The following AR variants were observed in gnomAD, a reference collection of about 807,000 sequenced individuals.
AR encodes androgen receptor, also known as dihydrotestosterone receptor.
Under a neutral mutation model 53.9 loss-of-function variants are expected in AR, and 8 were observed. That is an observed-to-expected ratio of 0.15 (90% CI 0.09 to 0.27). AR has a LOEUF of 0.27. Among genes scored for constraint, AR ranks in the 10% least tolerant of loss-of-function variants. AR has a pLI of 1.00. For missense variants in AR, 639 were observed against 742.5 expected (o/e 0.86, Z 1.62); for synonymous variants, 359 against 316.4 (o/e 1.13, Z -1.43).
intron 2 of AR, among the ~76,000 whole-genome samples, chrX:67,644,200 A>C (rs1925938969): frequency 8.9e-6 from 1 of 111,755 alleles, no homozygotes; most frequent in Non-Finnish European, 1.9e-5. Flanking sequence ...TATATACGGT[A>C]ATGTCTCCTT....
intron 1 of AR, among the ~76,000 whole-genome samples, chrX:67,607,737 T>C (rs1172599379): frequency 1.8e-5 from 2 of 112,336 alleles, no homozygotes; most frequent in Non-Finnish European, 3.8e-5. Context: ...CTGTCCCCAC[T>C]GTGACTTATG....
intron 3 of AR, among the ~76,000 whole-genome samples, chrX:67,687,183 T>G (rs1461142443): frequency 8.9e-6 from 1 of 111,735 alleles, no homozygotes; most frequent in Non-Finnish European, 1.9e-5. Flanking sequence ...TTTAGACCAG[T>G]TGTCTATCTC....
intron 1 of AR, among the ~76,000 whole-genome samples, chrX:67,557,288 A>G (rs1921097544): frequency 9.0e-6 from 1 of 111,193 alleles, no homozygotes; most frequent in Non-Finnish European, 1.9e-5. Context: ...GCATTTACTG[A>G]CAGATTGGAT....
At position 67,566,773 on chromosome X, in the gene AR, G is replaced by T. The variant is rs143132806; in HGVS notation, c.1616+20011G>T. 3.5e-3 allele frequency among the ~76,000 whole-genome samples: 394 copies of T among 111,307 alleles called. 1 individual carries two copies. Among genetic ancestry groups the T allele is most frequent in the African/African-American group, 0.012 (378 of 30,595 alleles). On this transcript the variant is annotated intron_variant, in intron 1 of 7. Coordinates refer to ENST00000374690, the MANE Select transcript of AR (RefSeq NM_000044.6). Reference sequence around the variant, plus strand: ...TTGCTTTGAAAACCTGCCACTTAAGGCTCCTTCCAGTCATAGGTTAACTCT... The same window carrying T: ...TTGCTTTGAAAACCTGCCACTTAAGTCTCCTTCCAGTCATAGGTTAACTCT...
chrX:67,573,508 A>G, intron 1 of AR, among the ~76,000 whole-genome samples: 1 of 111,732 alleles, frequency 8.9e-6, no homozygotes, highest in Middle Eastern at 4.6e-3. Context: ...AGAGGGCTGC[A>G]CTGACTGACT....
At chrX:67,614,120 A>G (rs1016489223) in intron 1 of AR, among the ~76,000 whole-genome samples, 4 of 112,314 alleles carry the variant, frequency 3.6e-5, no homozygotes, top group Non-Finnish European at 5.6e-5. Context: ...AAGGAGGCCT[A>G]TGAGGTTACT....
intron 4 of AR, among the ~76,000 whole-genome samples, chrX:67,716,066 T>C (rs2076111889): frequency 1.8e-5 from 2 of 112,074 alleles, no homozygotes; most frequent in South Asian, 7.4e-4. Flanking sequence ...CATTTAATTC[T>C]CATTTTACAA....
chrX:67,623,219 A>G (rs748822937), intron 1 of AR, among the ~76,000 whole-genome samples: 1 of 110,798 alleles, frequency 9.0e-6, no homozygotes, highest in African/African-American at 3.3e-5. Flanking sequence ...AACGCTAGCA[A>G]ACGTTGTGAA....
intron 1 of AR, among the ~76,000 whole-genome samples, chrX:67,615,523 A>G (rs754955630): frequency 9.3e-4 from 104 of 111,550 alleles, no homozygotes; most frequent in African/African-American, 3.0e-3. Context: ...TAGGTAAACA[A>G]AGGCTGAGAG....
intron 4 of AR, among the ~76,000 whole-genome samples, chrX:67,717,080 G>GT (rs753546572): frequency 3.5e-3 from 389 of 111,818 alleles, no homozygotes; most frequent in Middle Eastern, 9.3e-3. Flanking sequence ...TTAGAAAAGA[G>GT]TTAAATGTAC....
chrX:67,662,563 G>C (rs1308290555), intron 2 of AR, among the ~76,000 whole-genome samples: 1 of 111,554 alleles, frequency 9.0e-6, no homozygotes, highest in Non-Finnish European at 1.9e-5. Context: ...GAGACAGTTT[G>C]TTATAATTTC....
chrX:67,558,639 G>A (rs1464157554), intron 1 of AR, among the ~76,000 whole-genome samples: 1 of 111,596 alleles, frequency 9.0e-6, no homozygotes, highest in Non-Finnish European at 1.9e-5. Flanking sequence ...AGAAGAAGTT[G>A]ATGACTCATG....
intron 2 of AR, among the ~76,000 whole-genome samples, chrX:67,646,231 G>A (rs1189217115): frequency 9.0e-5 from 10 of 111,480 alleles, no homozygotes; most frequent in Non-Finnish European, 1.9e-4. Context: ...GCAGGGCTCA[G>A]CACAGAGTCA....
intron 3 of AR, among the ~76,000 whole-genome samples, chrX:67,703,445 T>C (rs1244584462): frequency 9.0e-6 from 1 of 111,609 alleles, no homozygotes; most frequent in Non-Finnish European, 1.9e-5. Flanking sequence ...TTTTGGATTA[T>C]TGTGGTTGTC....
chrX:67,585,918 T>A (rs1226600690), intron 1 of AR, among the ~76,000 whole-genome samples: 1 of 112,098 alleles, frequency 8.9e-6, no homozygotes, highest in Non-Finnish European at 1.9e-5. Context: ...TAAGGGTACC[T>A]TTTTTATATT....
chrX:67,546,499 T>C lies in AR; in HGVS notation c.1353T>C (p.Gly451=), dbSNP rs1406846471. Residue 451 remains glycine, a synonymous_variant, in exon 1 of 8, where the codon GGT becomes GGC. Coordinates refer to ENST00000374690, the MANE Select transcript of AR (RefSeq NM_000044.6). ...AEEGQLYGPC[G]GGGGGGGGGG... Reference sequence around the variant, plus strand: ...AAGGCCAGTTGTATGGACCGTGTGGTGGTGGTGGGGGTGGTGGCGGCGGCG... The same window carrying C: ...AAGGCCAGTTGTATGGACCGTGTGGCGGTGGTGGGGGTGGTGGCGGCGGCG... 5.2e-6 allele frequency: 5 copies of C among 965,446 alleles called. No individual in the cohort carries two copies. Among genetic ancestry groups the C allele is most frequent in the Non-Finnish European group, 6.9e-6 (5 of 727,881 alleles). The allele number at this position is 965,446 out of a possible 1,213,427, so 79.6% of individuals were successfully genotyped here. A position where few individuals can be genotyped will look rare whatever the true frequency, so the allele number is the denominator to read the frequency against.
At chrX:67,654,642 G>C (rs1323371160) in intron 2 of AR, among the ~76,000 whole-genome samples, 5 of 108,074 alleles carry the variant, frequency 4.6e-5, no homozygotes, top group Admixed American at 4.1e-4. Flanking sequence ...CACTGTCCAG[G>C]AGAAAAGCTA....
At chrX:67,624,663 G>T (rs1394153747) in intron 1 of AR, among the ~76,000 whole-genome samples, 2 of 109,616 alleles carry the variant, frequency 1.8e-5, no homozygotes, top group African/African-American at 6.6e-5. Flanking sequence ...AATAAAAAGG[G>T]TTATAAAGGG....
At chrX:67,630,535 C>G (rs1293520617) in intron 1 of AR, among the ~76,000 whole-genome samples, 3 of 110,887 alleles carry the variant, frequency 2.7e-5, no homozygotes, top group Non-Finnish European at 5.7e-5. Context: ...ATGTGTGTCT[C>G]TGCATATGAG....
Sources: gnomAD v4.1 joint callset for allele counts (sites outside exome capture counted in the v4.1 genomes callset) on GRCh38, gnomAD v4.1.1 for gene constraint, MANE v1.5 for transcripts, NCBI Gene and HGNC (gene_info 2026-07-23, HGNC 2026-07-21) for gene names.